Variants in PITX3 observed in about 807,000 individuals in gnomAD.
PITX3 encodes paired like homeodomain 3.
PITX3 carries 4 observed loss-of-function variants against 14.2 expected under a neutral mutation model. That is an observed-to-expected ratio of 0.28 (90% confidence interval 0.14 to 0.65). The LOEUF (loss-of-function observed/expected upper bound fraction) is 0.65, where lower values mean the gene tolerates loss of function less well. Ranked by LOEUF, PITX3 falls within the 30% of genes least tolerant of loss-of-function variation. PITX3 has a pLI of 0.82. For synonymous variants in PITX3, 194 were observed against 204.5 expected (o/e 0.95, Z 0.44); for missense variants, 358 against 426.8 (o/e 0.84, Z 1.42).
chr10:102,233,032 G>A (rs912735002), intron 1 of PITX3, among the ~76,000 whole-genome samples: 2 of 152,198 alleles, frequency 1.3e-5, no homozygotes, highest in African/African-American at 4.8e-5. Context: ...GAGCTTGTAA[G>A]CAGTGGGATT....
At chr10:102,239,906 C>T (rs182601155) in intron 1 of PITX3, among the ~76,000 whole-genome samples, 1 of 152,332 alleles carries the variant, frequency 6.6e-6, no homozygotes, top group East Asian at 1.9e-4. Context: ...GATATCCTTC[C>T]CAACCAGACT....
At chr10:102,235,010 AT>A (rs572879636) in intron 1 of PITX3, among the ~76,000 whole-genome samples, 82 of 152,234 alleles carry the variant, frequency 5.4e-4, no homozygotes, top group African/African-American at 1.6e-3. Flanking sequence ...CTCAGACATA[AT>A]AAGCACTTGG....
In PITX3 at chr10:102,230,387, G is replaced by GC; in HGVS notation, c.*126dup. 1 of 1,398,620 alleles carries GC rather than the reference G, an allele frequency of 7.1e-7. No individual in the cohort carries two copies. Among genetic ancestry groups the GC allele is most frequent in the Non-Finnish European group, 9.6e-7 (1 of 1,038,016 alleles). 86.6% of individuals were successfully genotyped at this position (1,398,620 alleles called of 1,614,324 possible). Reference sequence around the variant, plus strand: ...GGGGAAGGCCCTCTCCTGAGCCGGTGCCCCCCAGCTGCCCAAACACCCCTT... The same window carrying GC: ...GGGGAAGGCCCTCTCCTGAGCCGGTGCCCCCCCAGCTGCCCAAACACCCCTT... On this transcript the variant is annotated 3_prime_UTR_variant, in exon 4 of 4. Coordinates refer to ENST00000370002, the MANE Select transcript of PITX3 (RefSeq NM_005029.4).
Position 102,230,294 on chromosome 10 carries a change from C to T in PITX3, c.*220G>A. 1 of 568,284 alleles carries T rather than the reference C, an allele frequency of 1.8e-6. No homozygotes were observed. The highest frequency in any genetic ancestry group is 2.9e-6 in the Non-Finnish European group (1 of 345,864). 35.2% of individuals were successfully genotyped at this position (568,284 alleles called of 1,614,324 possible). A position where few individuals can be genotyped will look rare whatever the true frequency, so the allele number is the denominator to read the frequency against. On this transcript the variant is annotated 3_prime_UTR_variant, in exon 4 of 4. Transcript: ENST00000370002. Reference sequence around the variant, plus strand: ...GAGTTGGCCCCCGGGGAGCTGGTCCCTGTTCCTGGCTTTAGTCCCAGGGGC... The same window carrying T: ...GAGTTGGCCCCCGGGGAGCTGGTCCTTGTTCCTGGCTTTAGTCCCAGGGGC...
Position 102,241,403 on chromosome 10 carries a change from CAGGGGCCGGGCACCCGGCCG to C in PITX3, c.-103_-84del, listed in dbSNP as rs2070533054. The C allele has an allele frequency of 6.5e-6, 1 of 153,144 alleles. No homozygotes were observed. The highest frequency in any genetic ancestry group is 1.4e-5 in the Non-Finnish European group (1 of 68,974). 9.5% of individuals were successfully genotyped at this position (153,144 alleles called of 1,614,324 possible). A position where few individuals can be genotyped will look rare whatever the true frequency, so the allele number is the denominator to read the frequency against. ...GGCGATCTAGAGGGCAGGCAGGGGCCAGGGGCCGGGCACCCGGCCGGAGTGGGGGCCGCCCCCCTGCTCCC... is the reference window on the plus strand; with the variant it reads ...GGCGATCTAGAGGGCAGGCAGGGGCCGAGTGGGGGCCGCCCCCCTGCTCCC... On this transcript the variant is annotated 5_prime_UTR_variant, in exon 1 of 4. Transcript: ENST00000370002. This position sits in a 1 kb window ranked among gnomAD's most constrained non-coding sequence, Gnocchi z 6.7.
rs762054588 is a variant in PITX3, at chr10:102,230,660, C to T, written c.763G>A (p.Val255Ile). 6.3e-7 allele frequency: 1 copy of T among 1,597,316 alleles called. No homozygotes were observed. Among genetic ancestry groups the T allele is most frequent in the Non-Finnish European group, 8.5e-7 (1 of 1,172,686 alleles). Residue 255 changes from valine to isoleucine, a missense_variant, in exon 4 of 4, where the codon GTC (valine) becomes ATC (isoleucine). Coordinates refer to ENST00000370002, the MANE Select transcript of PITX3 (RefSeq NM_005029.4). ...CTCGAGTTACACGGGTCCCGATAGACGTAGGGGGAAGAGGCGGCAGCCGCG... is the reference window on the plus strand; with the variant it reads ...CTCGAGTTACACGGGTCCCGATAGATGTAGGGGGAAGAGGCGGCAGCCGCG... ...AAAAAASSPY[V>I]YRDPCNSSLA...
At chr10:102,234,972 C>T (rs1403093210) in intron 1 of PITX3, among the ~76,000 whole-genome samples, 1 of 152,178 alleles carries the variant, frequency 6.6e-6, no homozygotes, top group Admixed American at 6.5e-5. Context: ...GACAGACAGA[C>T]ACATGTGCAG....
intron 1 of PITX3, among the ~76,000 whole-genome samples, chr10:102,237,881 TC>T (rs1333675051): frequency 2.0e-5 from 3 of 150,308 alleles, no homozygotes; most frequent in South Asian, 2.2e-4. Context: ...ACTGCCCTCC[TC>T]CCCCGCCCAC....
chr10:102,230,259 G>C lies in PITX3; in HGVS notation c.*255C>G. 2.0e-6 allele frequency: 1 copy of C among 498,538 alleles called. No individual in the cohort carries two copies. The highest frequency in any genetic ancestry group is 3.5e-6 in the Non-Finnish European group (1 of 281,860). 30.9% of individuals were successfully genotyped at this position (498,538 alleles called of 1,614,324 possible). On this transcript the variant is annotated 3_prime_UTR_variant, in exon 4 of 4. Coordinates refer to ENST00000370002, the MANE Select transcript of PITX3 (RefSeq NM_005029.4). Reference sequence around the variant, plus strand: ...GGGGAAGCCTGGAGAAGGCGGGATGGGCCAAGGGTGAGTTGGCCCCCGGGG... The same window carrying C: ...GGGGAAGCCTGGAGAAGGCGGGATGCGCCAAGGGTGAGTTGGCCCCCGGGG...
In PITX3 at chr10:102,230,682, CGCGGCGGCGGCGGCG is replaced by C; in HGVS notation, c.726_740del (p.Ala246_Ala250del). On this transcript the variant is annotated inframe_deletion, in exon 4 of 4. Coordinates refer to ENST00000370002, the MANE Select transcript of PITX3 (RefSeq NM_005029.4). ...AGACGTAGGGGGAAGAGGCGGCAGC[CGCGGCGGCGGCGGCG>C]GCCGAGGCATAAGGGCAGGACACGG... 6.3e-7 allele frequency: 1 copy of C among 1,578,618 alleles called. No homozygotes were observed. The highest frequency in any genetic ancestry group is 8.6e-7 in the Non-Finnish European group (1 of 1,163,302).
At chr10:102,240,937 A>G (rs2070519033) in intron 1 of PITX3, among the ~76,000 whole-genome samples, 1 of 151,944 alleles carries the variant, frequency 6.6e-6, no homozygotes, top group Admixed American at 6.5e-5. Context: ...CTGCCCCCAC[A>G]CTGGGGGCCG....
In PITX3 at chr10:102,230,824, G is replaced by A. The variant is rs2070210077; in HGVS notation, c.599C>T (p.Pro200Leu). 6.4e-7 allele frequency: 1 copy of A among 1,574,340 alleles called. No homozygotes were observed. The highest frequency in any genetic ancestry group is 1.2e-5 in the South Asian group (1 of 86,384). Residue 200 changes from proline to leucine, a missense_variant, in exon 4 of 4, where the codon CCC (proline) becomes CTC (leucine). Pro to Leu is a moderately conservative substitution (Grantham distance 98). Around this residue, in one of 3 missense-constraint regions of PITX3, gnomAD observed 236 missense variants for 250.2 expected, o/e 0.94. Transcript: ENST00000370002. ...PPSSIAASMV[P>L]SAAAAPGTVP... Reference sequence around the variant, plus strand: ...GGTGCCCGGGGCAGCCGCGGCGGAGGGCACCATGGAGGCGGCGATGGAGCT... The same window carrying A: ...GGTGCCCGGGGCAGCCGCGGCGGAGAGCACCATGGAGGCGGCGATGGAGCT...
At chr10:102,233,282 T>C (rs1204445774) in intron 1 of PITX3, among the ~76,000 whole-genome samples, 1 of 148,926 alleles carries the variant, frequency 6.7e-6, no homozygotes, top group Non-Finnish European at 1.5e-5. Context: ...GTTTACGACT[T>C]CTTTCTTTTT....
rs2070206750 is a variant in PITX3, at chr10:102,230,702, A to T, written c.721T>A (p.Ser241Thr). ...GCAGCCGCGGCGGCGGCGGCGGCCG[A>T]GGCATAAGGGCAGGACACGGCCCCG... Reference protein sequence around the residue: ...SSGAVSCPYASAAAAAAAAAS... With the variant: ...SSGAVSCPYATAAAAAAAAAS... Residue 241 changes from serine (S) to threonine (T), a missense_variant, in exon 4 of 4, where the codon TCG (serine) becomes ACG (threonine). Physicochemically the swap from Ser to Thr is moderately conservative, Grantham distance 58. Transcript: ENST00000370002. 6.4e-7 allele frequency: 1 copy of T among 1,559,694 alleles called. No homozygotes were observed. Among genetic ancestry groups the T allele is most frequent in the African/African-American group, 1.4e-5 (1 of 73,462 alleles).
chr10:102,231,896 C>T (rs2070252447), intron 2 of PITX3, 67 bp downstream of exon 2: 5 of 1,558,046 alleles, frequency 3.2e-6, no homozygotes, highest in Admixed American at 1.7e-5. Flanking sequence ...GGCTGCCCAG[C>T]CGGGGTCCCA....
At chr10:102,240,577 C>G (rs535948905) in intron 1 of PITX3, among the ~76,000 whole-genome samples, 22 of 152,258 alleles carry the variant, frequency 1.4e-4, no homozygotes, top group Non-Finnish European at 2.2e-4. Flanking sequence ...CAGGGACATT[C>G]TGTCCGCCAC....
chr10:102,230,568 C>T lies in PITX3; in HGVS notation c.855G>A (p.Pro285=). Reference sequence around the variant, plus strand: ...ACGGACTAAGGTTGGCTGCCGGGGGCGGCCCGTGCACAGCGGGGTAGCTGA... The same window carrying T: ...ACGGACTAAGGTTGGCTGCCGGGGGTGGCCCGTGCACAGCGGGGTAGCTGA... ...ASFSYPAVHG[P]PPAANLSPCQ... Residue 285 remains proline (P), a synonymous_variant, in exon 4 of 4, where the codon CCG becomes CCA. Transcript: ENST00000370002. The T allele has an allele frequency of 4.3e-6, 7 of 1,611,092 alleles. No individual in the cohort carries two copies. The highest frequency in any genetic ancestry group is 1.7e-4 in the Middle Eastern group (1 of 5,912).
chr10:102,240,211 A>G (rs1020022720), intron 1 of PITX3, among the ~76,000 whole-genome samples: 3 of 152,176 alleles, frequency 2.0e-5, no homozygotes, highest in East Asian at 3.9e-4. Context: ...AGGGGCTTGT[A>G]CCCAGCTCCT....
chr10:102,233,940 G>A (rs1317342625), intron 1 of PITX3, among the ~76,000 whole-genome samples: 3 of 152,188 alleles, frequency 2.0e-5, no homozygotes, highest in Non-Finnish European at 2.9e-5. Context: ...TGCGAGGAAG[G>A]GAAATGGGCA....
Sources: allele counts gnomAD v4.1 joint callset (sites outside exome capture counted in the v4.1 genomes callset), GRCh38; gene constraint gnomAD v4.1.1; regional missense constraint gnomAD v4.1.1; non-coding constraint Gnocchi (gnomAD v3.1); transcripts MANE v1.5; gene names NCBI Gene and HGNC (gene_info 2026-07-23, HGNC 2026-07-21).